The following CFAP46 variants were observed in gnomAD, a reference collection of about 807,000 sequenced individuals.
CFAP46 encodes cilia and flagella associated protein 46, also known as cilia- and flagella-associated protein 46.
A neutral mutation model predicts 325.7 loss-of-function variants in CFAP46; 245 were observed. The ratio of observed to expected loss-of-function variants is 0.75; its 90% CI spans 0.68 to 0.84. The LOEUF is 0.84. Ranked by LOEUF, CFAP46 falls within the 40% of genes least tolerant of loss-of-function variation. CFAP46 has a pLI of 0.00. For synonymous variants in CFAP46, 1,523 were observed against 1,495.9 expected, an observed-to-expected ratio of 1.02 and a Z score of -0.42; for missense variants, 3,346 against 3,543.0, an observed-to-expected ratio of 0.94 and a Z score of 1.41.
At chr10:132,859,269 G>A in intron 37 of CFAP46, 22 bp from the exon 38 acceptor site, 1 of 1,539,690 alleles carries the variant, frequency 6.5e-7, no homozygotes. Flanking sequence ...ACGGTTTGGG[G>A]CCTGGAGTCA....
chr10:132,941,560 T>C (rs759949620), intron 3 of CFAP46, 31 bp downstream of exon 3: 3 of 1,601,268 alleles, frequency 1.9e-6, no homozygotes, highest in African/African-American at 1.3e-5. Context: ...AATTGAACTG[T>C]TGGGGATAAG....
chr10:132,928,494 C>T (rs1423560516), intron 9 of CFAP46, among the ~76,000 whole-genome samples: 1 of 152,208 alleles, frequency 6.6e-6, no homozygotes, highest in Non-Finnish European at 1.5e-5. Context: ...GTCAAGGCCA[C>T]GTGAACTGCA....
chr10:132,809,331 C>T (rs1327092183), intron 57 of CFAP46, among the ~76,000 whole-genome samples: 1 of 152,224 alleles, frequency 6.6e-6, no homozygotes, highest in African/African-American at 2.4e-5. Flanking sequence ...AGCGGGACAG[C>T]CAGCCTGGCT....
chr10:132,878,029 C>G lies in CFAP46; in HGVS notation c.4064G>C (p.Ser1355Thr), dbSNP rs1313575419. Residue 1355 changes from serine to threonine, a missense_variant, in exon 30 of 58, where the codon AGC (serine) becomes ACC (threonine). Ser to Thr is a moderately conservative substitution (Grantham distance 58). Coordinates refer to ENST00000368586, the MANE Select transcript of CFAP46 (RefSeq NM_001200049.3). The stretch of plus-strand genomic sequence containing the variant: ...TTTTTTAGGCAATAACAGATGTGAG[C>G]TGGTTGCTGCCAGGGGTCTGTTTTC... ...VLENRPLAAT[S>T]SHLLLPKKEK... 6.5e-7 allele frequency: 1 copy of G among 1,547,240 alleles called. No homozygotes were observed.
chr10:132,861,119 G>C, intron 35 of CFAP46, 137 bp from the exon 36 acceptor site: 1 of 878,364 alleles, frequency 1.1e-6, no homozygotes, highest in Non-Finnish European at 1.7e-6. Flanking sequence ...GGGAAGACAG[G>C]GCTGCTCACT....
chr10:132,851,758 T>C (rs1848551475), intron 39 of CFAP46, among the ~76,000 whole-genome samples: 1 of 152,276 alleles, frequency 6.6e-6, no homozygotes, highest in African/African-American at 2.4e-5. Context: ...TCTATTCAAA[T>C]ATTTTATTTC....
At chr10:132,917,013 G>A (rs551823585) in intron 16 of CFAP46, among the ~76,000 whole-genome samples, 11 of 152,316 alleles carry the variant, frequency 7.2e-5, no homozygotes, top group Admixed American at 2.6e-4. Context: ...CCTCCCCTAC[G>A]TAATCATTAC....
At chr10:132,922,372 C>T in intron 12 of CFAP46, 108 bp downstream of exon 12, 1 of 1,447,134 alleles carries the variant, frequency 6.9e-7, no homozygotes, top group South Asian at 1.4e-5. Context: ...GGCCTCCTTG[C>T]TTCAGGCAGC....
At chr10:132,926,767 G>A (rs1242858999) in intron 9 of CFAP46, 101 bp from the exon 10 acceptor site, 1 of 863,916 alleles carries the variant, frequency 1.2e-6, no homozygotes, top group Non-Finnish European at 1.9e-6. Context: ...CTGGGTAGAG[G>A]TTTAACAAAT....
chr10:132,838,389 C>G (rs113826100), intron 44 of CFAP46, among the ~76,000 whole-genome samples: 28 of 152,388 alleles, frequency 1.8e-4, no homozygotes, highest in African/African-American at 6.7e-4. Flanking sequence ...AAAGCCCATG[C>G]GTGAAAAGCT....
chr10:132,931,676 GCCTTCTT>G (rs1849906916), intron 8 of CFAP46, among the ~76,000 whole-genome samples: 2 of 116,564 alleles, frequency 1.7e-5, no homozygotes, highest in Non-Finnish European at 3.5e-5. Context: ...CAGAGCCTGG[GCCTTCTT>G]CCTCCCCACA....
chr10:132,881,602 G>C (rs1269112584), intron 27 of CFAP46, among the ~76,000 whole-genome samples: 3 of 149,698 alleles, frequency 2.0e-5, no homozygotes, highest in Non-Finnish European at 4.5e-5. Context: ...TGAGAGCCAG[G>C]GTTAGCCTGC....
chr10:132,925,884 C>T (rs1312124029), intron 10 of CFAP46, among the ~76,000 whole-genome samples: 1 of 152,222 alleles, frequency 6.6e-6, no homozygotes, highest in African/African-American at 2.4e-5. Context: ...CTCCTCTGTA[C>T]CCAGCGGAGC....
intron 9 of CFAP46, among the ~76,000 whole-genome samples, chr10:132,928,590 C>T (rs1250999771): frequency 2.6e-5 from 4 of 152,228 alleles, no homozygotes. Context: ...GGCCGTGTCT[C>T]CTGCGCCACT....
At chr10:132,940,474 G>A (rs1368177392) in intron 4 of CFAP46, among the ~76,000 whole-genome samples, 1 of 152,212 alleles carries the variant, frequency 6.6e-6, no homozygotes, top group Non-Finnish European at 1.5e-5. Flanking sequence ...CCTTGGCCAA[G>A]TTGTCCGCTA....
chr10:132,909,034 G>A (rs1202224918), intron 21 of CFAP46, 103 bp downstream of exon 21: 3 of 778,436 alleles, frequency 3.9e-6, no homozygotes, highest in Non-Finnish European at 4.2e-6. Flanking sequence ...CAGAGTGGGG[G>A]TGAGCATGCA....
At chr10:132,821,780 GTGC>G (rs1847840693) in intron 50 of CFAP46, among the ~76,000 whole-genome samples, 3 of 136,076 alleles carry the variant, frequency 2.2e-5, no homozygotes, top group South Asian at 2.4e-4. Flanking sequence ...TGCTGTGTGA[GTGC>G]TGATGTGTGC....
At chr10:132,881,281 C>T (rs566971398) in intron 27 of CFAP46, among the ~76,000 whole-genome samples, 2 of 152,244 alleles carry the variant, frequency 1.3e-5, no homozygotes, top group South Asian at 4.1e-4. Flanking sequence ...TTCCCCGTCT[C>T]CTCACCCTTT....
intron 7 of CFAP46, among the ~76,000 whole-genome samples, 165 bp from the exon 8 acceptor site, chr10:132,935,027 C>A (rs12220398): frequency 1.3e-5 from 2 of 152,090 alleles, no homozygotes; most frequent in Non-Finnish European, 2.9e-5. Context: ...ACTTTTCACC[C>A]CTTCTGGTCC....
Sources: allele counts gnomAD v4.1 joint callset (sites outside exome capture counted in the v4.1 genomes callset), GRCh38; gene constraint gnomAD v4.1.1; transcripts MANE v1.5; gene names NCBI Gene and HGNC (gene_info 2026-07-23, HGNC 2026-07-21).